The following STOX2 variants were observed in gnomAD, a reference collection of about 807,000 sequenced individuals.
The protein encoded by STOX2 is storkhead box 2.
STOX2 carries 28 observed loss-of-function variants against 60.9 expected under a neutral mutation model. The observed-to-expected ratio is 0.46, with a 90% CI of 0.34 to 0.63. The LOEUF (loss-of-function observed/expected upper bound fraction) is 0.63, where lower values mean the gene tolerates loss of function less well. Among genes scored for constraint, STOX2 ranks in the 30% least tolerant of loss-of-function variants. The pLI is 0.01. For missense variants in STOX2, 1,024 were observed against 1,187.7 expected, an observed-to-expected ratio of 0.86 and a Z score of 2.03; for synonymous variants, 472 against 463.9, an observed-to-expected ratio of 1.02 and a Z score of -0.22.
intron 1 of STOX2, among the ~76,000 whole-genome samples, chr4:183,977,801 CACAG>C (rs1215795285): frequency 6.6e-6 from 1 of 152,300 alleles, no homozygotes; most frequent in South Asian, 2.1e-4. Context: ...TTTACATTCC[CACAG>C]ACAGTGTATA....
At chr4:183,850,932 G>GGATGAGGGAAAC (rs1740107355) in intron 1 of STOX2, among the ~76,000 whole-genome samples, 1 of 118,848 alleles carries the variant, frequency 8.4e-6, no homozygotes, top group Non-Finnish European at 1.7e-5. Flanking sequence ...ATGAGGGAAA[G>GGATGAGGGAAAC]GATGAGGGAA....
At chr4:183,915,942 C>G (rs965829423) in intron 1 of STOX2, among the ~76,000 whole-genome samples, 1 of 152,244 alleles carries the variant, frequency 6.6e-6, no homozygotes, top group Non-Finnish European at 1.5e-5. Flanking sequence ...GACACTAGTC[C>G]GCCACCTCTG....
chr4:183,880,279 C>T (rs961645202), intron 1 of STOX2, among the ~76,000 whole-genome samples: 13 of 152,186 alleles, frequency 8.5e-5, no homozygotes, highest in Middle Eastern at 3.2e-3. Context: ...CCACCGTACC[C>T]TGCTGAGTTT....
chr4:183,848,957 T>C (rs1412997365), intron 1 of STOX2, among the ~76,000 whole-genome samples: 1 of 151,270 alleles, frequency 6.6e-6, no homozygotes, highest in East Asian at 1.9e-4. Context: ...CTCGTGGGAG[T>C]TTAGGTTACA....
chr4:183,842,273 C>T (rs942294070), intron 1 of STOX2, among the ~76,000 whole-genome samples: 1 of 152,126 alleles, frequency 6.6e-6, no homozygotes, highest in African/African-American at 2.4e-5. Context: ...TTCCATACGA[C>T]GTGGCTAAAC....
At chr4:183,990,466 A>AGAGATCAAG (rs1188468945) in intron 1 of STOX2, among the ~76,000 whole-genome samples, 1 of 152,068 alleles carries the variant, frequency 6.6e-6, no homozygotes, top group African/African-American at 2.4e-5. Context: ...CATTGAAGGC[A>AGAGATCAAG]GAGATCAAGA....
At chr4:183,802,375 G>T (rs1463838887) in intron 1 of STOX2, among the ~76,000 whole-genome samples, 1 of 152,100 alleles carries the variant, frequency 6.6e-6, no homozygotes, top group East Asian at 1.9e-4. Flanking sequence ...TTTTAAGACA[G>T]ATTTCTTTTT....
intron 1 of STOX2, among the ~76,000 whole-genome samples, chr4:183,955,134 T>C (rs1366650698): frequency 6.6e-6 from 1 of 152,252 alleles, no homozygotes; most frequent in African/African-American, 2.4e-5. Flanking sequence ...ATTTTATCTT[T>C]TCTCTTCCTG....
At chr4:183,876,676 C>G (rs771483522) in intron 1 of STOX2, among the ~76,000 whole-genome samples, 1 of 152,178 alleles carries the variant, frequency 6.6e-6, no homozygotes, top group African/African-American at 2.4e-5. Flanking sequence ...CGTAGGGGAC[C>G]CAGCACCTCC....
intron 1 of STOX2, among the ~76,000 whole-genome samples, chr4:183,969,851 G>A (rs1314593770): frequency 6.6e-6 from 1 of 152,094 alleles, no homozygotes; most frequent in South Asian, 2.1e-4. Context: ...TGAATTCCTG[G>A]ACTCAAGAGA....
At chr4:183,980,219 GTGATA>G (rs1732601827) in intron 1 of STOX2, among the ~76,000 whole-genome samples, 2 of 152,290 alleles carry the variant, frequency 1.3e-5, no homozygotes, top group South Asian at 4.1e-4. Context: ...ATATAGGGAG[GTGATA>G]CTGAGGATGA....
At chr4:183,949,056 C>A (rs1286315034) in intron 1 of STOX2, among the ~76,000 whole-genome samples, 2 of 152,040 alleles carry the variant, frequency 1.3e-5, no homozygotes, top group Non-Finnish European at 2.9e-5. Flanking sequence ...GAGGTCCACA[C>A]AGTAGTGGCA....
intron 1 of STOX2, among the ~76,000 whole-genome samples, chr4:183,839,141 G>A (rs912213713): frequency 6.6e-6 from 1 of 152,248 alleles, no homozygotes; most frequent in African/African-American, 2.4e-5. Flanking sequence ...CAGTTGGCTA[G>A]CAGAGTTCCC....
At chr4:183,846,840 T>A (rs1427282346) in intron 1 of STOX2, among the ~76,000 whole-genome samples, 1 of 152,212 alleles carries the variant, frequency 6.6e-6, no homozygotes, top group Non-Finnish European at 1.5e-5. Context: ...AATTTTTTTT[T>A]TGAAACTGGG....
Position 183,942,336 on chromosome 4 carries a change from GTT to G in STOX2, c.166+35397_166+35398del, listed in dbSNP as rs11295405. Among the ~76,000 whole-genome samples the G allele has an allele frequency of 1.7e-3, 217 of 130,542 alleles. 1 individual carries two copies. In the East Asian group the frequency reaches 0.017, roughly 10 times the overall value. 85.6% of individuals were successfully genotyped at this position (130,542 alleles called of 152,430 possible). A position where few individuals can be genotyped will look rare whatever the true frequency, so the allele number is the denominator to read the frequency against. ...ATATATATATGTGCCAGGCTTCTAG[GTT>G]TTTTTTTTTTTTTTTTAGACAAAAC... On this transcript the variant is annotated intron_variant, in intron 1 of 3. Coordinates refer to ENST00000308497, the MANE Select transcript of STOX2 (RefSeq NM_020225.3).
At chr4:183,801,828 G>A (rs1290664632) in intron 1 of STOX2, among the ~76,000 whole-genome samples, 3 of 152,092 alleles carry the variant, frequency 2.0e-5, no homozygotes, top group Admixed American at 2.0e-4. Flanking sequence ...GGGTGGGAAT[G>A]AAGTGATTTG....
intron 1 of STOX2, among the ~76,000 whole-genome samples, chr4:183,948,504 C>G (rs1742969425): frequency 7.8e-6 from 1 of 127,722 alleles, no homozygotes; most frequent in South Asian, 2.7e-4. Flanking sequence ...TAATATGCAG[C>G]CTTTGGACAA....
At chr4:183,901,365 A>G (rs773170614), upstream of STOX2, among the ~76,000 whole-genome samples, 11 of 152,136 alleles carry the variant, frequency 7.2e-5, no homozygotes, top group Non-Finnish European at 1.2e-4. Flanking sequence ...TAATGTTGCT[A>G]TGAACATGGG....
chr4:184,005,474 A>ACAAAAC (rs377410707), intron 2 of STOX2, among the ~76,000 whole-genome samples: 3 of 120,122 alleles, frequency 2.5e-5, no homozygotes, highest in Non-Finnish European at 5.2e-5. Context: ...AAAAAAAAAA[A>ACAAAAC]AATTCATAGG....
Sources: allele counts gnomAD v4.1 joint callset (sites outside exome capture counted in the v4.1 genomes callset), GRCh38; gene constraint gnomAD v4.1.1; transcripts MANE v1.5; gene names NCBI Gene and HGNC (gene_info 2026-07-23, HGNC 2026-07-21).